The following SZT2 variants were observed in gnomAD, a reference collection of about 807,000 sequenced individuals.
The protein encoded by SZT2 is KICSTOR complex protein SZT2.
Under a neutral mutation model 404.2 loss-of-function variants are expected in SZT2, and 216 were observed. That is an observed-to-expected ratio of 0.53 (90% CI 0.48 to 0.60). The LOEUF is 0.60. Among genes scored for constraint, SZT2 ranks in the 20% least tolerant of loss-of-function variants. SZT2 has a pLI of 0.00. For synonymous variants in SZT2, 1,693 were observed against 1,749.9 expected (o/e 0.97, Z 0.81); for missense variants, 3,857 against 4,459.2 (o/e 0.86, Z 3.85).
intron 1 of SZT2, among the ~76,000 whole-genome samples, chr1:43,392,616 G>A (rs1239115881): frequency 1.3e-5 from 2 of 152,236 alleles, no homozygotes; most frequent in Non-Finnish European, 1.5e-5. Flanking sequence ...GGGTTTCACC[G>A]TGTTAGCCAG....
chr1:43,421,283 C>T lies in SZT2; in HGVS notation c.1606C>T (p.Pro536Ser), dbSNP rs767861761. 4 of 1,598,570 alleles carry T rather than the reference C, an allele frequency of 2.5e-6. No individual in the cohort carries two copies. In the South Asian group the frequency reaches 4.4e-5, roughly 18 times the overall value. The change falls in exon 11 of 72, where the codon CCT (proline) becomes TCT (serine). Residue 536 changes from proline (P) to serine (S), a missense_variant. Transcript: ENST00000634258. ...GAGCGGAGTGCCACTCTTCTACATC[C>T]CTCCAGGCTCCACCACCCCGGTGAG... is the stretch of plus-strand genomic sequence containing the variant. ...TKSGVPLFYI[P>S]PGSTTPVLSL...
intron 12 of SZT2, 72 bp downstream of exon 12, chr1:43,422,297 G>A: frequency 6.6e-7 from 1 of 1,514,286 alleles, no homozygotes. Flanking sequence ...ATGATGGGAA[G>A]GGGAGCAGCA....
chr1:43,444,021 C>T (rs1422966621), intron 62 of SZT2, among the ~76,000 whole-genome samples: 1 of 152,236 alleles, frequency 6.6e-6, no homozygotes, highest in Admixed American at 6.5e-5. Context: ...TGATGACACT[C>T]ATACAAAACT....
Position 43,437,478 on chromosome 1 carries a change from A to C in SZT2, c.6260A>C (p.Glu2087Ala), listed in dbSNP as rs779742118. Residue 2087 changes from glutamate to alanine, a missense_variant, in exon 44 of 72, where the codon GAG becomes GCG. By Grantham distance (107) the Glu-to-Ala change is moderately radical (BLOSUM62 -1). Coordinates refer to ENST00000634258, the MANE Select transcript of SZT2 (RefSeq NM_001365999.1). The surrounding 1 kb of genome is among the most constrained non-coding windows in gnomAD (Gnocchi z 5.3). ...CGGAAAAACATGTTTGTTTACCAGGAGCGAGCAACAAAGGCTGTGTACTAT... is the reference window on the plus strand; with the variant it reads ...CGGAAAAACATGTTTGTTTACCAGGCGCGAGCAACAAAGGCTGTGTACTAT... ...VNRKNMFVYQ[E>A]RATKAVYYLR... The C allele has an allele frequency of 1.2e-6, 2 of 1,614,118 alleles. No homozygotes were observed. The highest frequency in any genetic ancestry group is 2.2e-5 in the South Asian group (2 of 91,068).
At position 43,389,928 on chromosome 1, in the gene SZT2, A is replaced by G. The variant is rs1338531895; in HGVS notation, c.-41A>G. On this transcript the variant is annotated 5_prime_UTR_variant, in exon 1 of 72. Transcript: ENST00000634258. ...TAGCGAGGTCAGGGGTCAAGAGTGGAACACCCTCACTGGCCCGGGCCGGCG... is the reference window on the plus strand; with the variant it reads ...TAGCGAGGTCAGGGGTCAAGAGTGGGACACCCTCACTGGCCCGGGCCGGCG... The G allele has an allele frequency of 6.6e-7, 1 of 1,509,516 alleles. No homozygotes were observed. Among genetic ancestry groups the G allele is most frequent in the Non-Finnish European group, 8.9e-7 (1 of 1,129,072 alleles). The allele number at this position is 1,509,516 out of a possible 1,614,324, so 93.5% of individuals were successfully genotyped here.
At chr1:43,405,108 A>G (rs1199576262) in intron 4 of SZT2, 1 of 152,602 alleles carries the variant, frequency 6.6e-6, no homozygotes, top group Non-Finnish European at 1.5e-5. Context: ...GGTTCAAGCG[A>G]TTCTCCTGCC....
chr1:43,428,132 C>A lies in SZT2; in HGVS notation c.3919+14C>A, dbSNP rs1448491652. 1.2e-6 allele frequency: 2 copies of A among 1,612,520 alleles called. No homozygotes were observed. Among genetic ancestry groups the A allele is most frequent in the Non-Finnish European group, 1.7e-6 (2 of 1,178,706 alleles). On this transcript the variant is annotated intron_variant, in intron 27 of 71. Coordinates refer to ENST00000634258, the MANE Select transcript of SZT2 (RefSeq NM_001365999.1). ...GCTATGTCCGTGGTGAGCAGGAGGGCCGTGGGAGGGAGGAGTGGGGCCCTG... is the reference window on the plus strand; with the variant it reads ...GCTATGTCCGTGGTGAGCAGGAGGGACGTGGGAGGGAGGAGTGGGGCCCTG...
Position 43,425,142 on chromosome 1 carries a change from A to C in SZT2, c.2580A>C (p.Glu860Asp), listed in dbSNP as rs763988253. The C allele has an allele frequency of 1.2e-6, 2 of 1,614,182 alleles. No individual in the cohort carries two copies. Among genetic ancestry groups the C allele is most frequent in the Non-Finnish European group, 1.7e-6 (2 of 1,180,018 alleles). ...QNEPPGQAAA[E>D]EKHTCVVQYI... ...AACCACCAGGGCAGGCTGCAGCTGA[A>C]GAGAAGCACACCTGTGTTGTCCAGT... The change falls in exon 18 of 72, where the codon GAA (glutamate) becomes GAC (aspartate). Residue 860 changes from glutamate (E) to aspartate (D), a missense_variant. Physicochemically the swap from Glu to Asp is conservative, Grantham distance 45. This residue lies in a region of SZT2 where 1,725 missense variants were observed against 1,881.0 expected (regional missense o/e 0.92). Coordinates refer to ENST00000634258, the MANE Select transcript of SZT2 (RefSeq NM_001365999.1). The surrounding 1 kb of genome is among the most constrained non-coding windows in gnomAD (Gnocchi z 4.3).
chr1:43,452,894 G>GGATGTCCAGC lies in SZT2; in HGVS notation c.*2414_*2415insGATGTCCAGC, dbSNP rs1384761912. On this transcript the variant is annotated 3_prime_UTR_variant, in exon 72 of 72. Transcript: ENST00000634258. Reference sequence around the variant, plus strand: ...ATTCCAGGCCTCCCCATCCCAACAGGCTACATACATGTCCAGCCTCAGGAA... The same window carrying GGATGTCCAGC: ...ATTCCAGGCCTCCCCATCCCAACAGGGATGTCCAGCCTACATACATGTCCAGCCTCAGGAA... The GGATGTCCAGC allele has an allele frequency of 1.3e-6, 2 of 1,593,678 alleles. No homozygotes were observed. The highest frequency in any genetic ancestry group is 3.5e-5 in the Admixed American group (2 of 57,134).
chr1:43,438,497 G>A (rs377500916), intron 46 of SZT2, among the ~76,000 whole-genome samples: 13 of 152,324 alleles, frequency 8.5e-5, no homozygotes, highest in African/African-American at 3.1e-4. Flanking sequence ...CAGAGGTTTT[G>A]AGAGTAAAAC....
chr1:43,420,984 G>A lies in SZT2; in HGVS notation c.1496+1G>A, dbSNP rs2153932286. The stretch of plus-strand genomic sequence containing the variant: ...GGCGTTTCTGGAACACGCTGCAGAG[G>A]TCAGTGAAGTCATCACTCAATGAGT... On this transcript the variant is annotated splice_donor_variant, in intron 10 of 71. Transcript: ENST00000634258. LOFTEE classifies it high-confidence loss of function. This position sits in a 1 kb window ranked among gnomAD's most constrained non-coding sequence, Gnocchi z 5.1. The A allele has an allele frequency of 6.3e-7, 1 of 1,598,286 alleles. No homozygotes were observed. The highest frequency in any genetic ancestry group is 8.5e-7 in the Non-Finnish European group (1 of 1,179,674).
At chr1:43,414,811 C>A (rs1043185211) in intron 4 of SZT2, among the ~76,000 whole-genome samples, 7 of 152,216 alleles carry the variant, frequency 4.6e-5, no homozygotes, top group Non-Finnish European at 1.0e-4. Context: ...ATAGTGCCCC[C>A]ATGTGGGGGG....
In SZT2 at chr1:43,451,040, C is replaced by G. The variant is rs1656337447; in HGVS notation, c.*560C>G. 1.3e-6 allele frequency: 1 copy of G among 779,204 alleles called. No individual in the cohort carries two copies. The highest frequency in any genetic ancestry group is 1.7e-5 in the Admixed American group (1 of 58,806). The allele number at this position is 779,204 out of a possible 1,614,324, so 48.3% of individuals were successfully genotyped here. A position where few individuals can be genotyped will look rare whatever the true frequency, so the allele number is the denominator to read the frequency against. On this transcript the variant is annotated 3_prime_UTR_variant, in exon 72 of 72. Coordinates refer to ENST00000634258, the MANE Select transcript of SZT2 (RefSeq NM_001365999.1). The stretch of plus-strand genomic sequence containing the variant: ...TCCTTTAATGAGGTGGGTTCAGAAG[C>G]TCTCCCATCTTCACAGCAACCCTGG...
chr1:43,427,024 A>G (rs768574000), intron 23 of SZT2, 32 bp from the exon 24 acceptor site: 1 of 1,613,180 alleles, frequency 6.2e-7, no homozygotes, highest in East Asian at 2.2e-5. Context: ...ATTCCCTTAT[A>G]GATTGCTCTA....
intron 12 of SZT2, 78 bp downstream of exon 12, chr1:43,422,303 C>G: frequency 2.0e-6 from 3 of 1,508,532 alleles, no homozygotes; most frequent in South Asian, 1.3e-5. Flanking sequence ...GGAAGGGGAG[C>G]AGCAGATGAG....
At chr1:43,391,828 TCCCA>T (rs1648371296) in intron 1 of SZT2, among the ~76,000 whole-genome samples, 2 of 113,418 alleles carry the variant, frequency 1.8e-5, no homozygotes, top group Admixed American at 9.1e-5. Context: ...ACGCCTGTAA[TCCCA>T]GCACTTTGGG....
Position 43,389,955 on chromosome 1 carries a change from G to A in SZT2, c.-14G>A, listed in dbSNP as rs146927083. ...CACCCTCACTGGCCCGGGCCGGCGC[G>A]GGAGGGCTGTGTGATGGCCTCGGAG... is the stretch of plus-strand genomic sequence containing the variant. On this transcript the variant is annotated 5_prime_UTR_variant, in exon 1 of 72. Coordinates refer to ENST00000634258, the MANE Select transcript of SZT2 (RefSeq NM_001365999.1). 1 of 1,450,376 alleles carries A rather than the reference G, an allele frequency of 6.9e-7. No individual in the cohort carries two copies. The highest frequency in any genetic ancestry group is 9.1e-7 in the Non-Finnish European group (1 of 1,101,816). The allele number at this position is 1,450,376 out of a possible 1,614,324, so 89.8% of individuals were successfully genotyped here. A position where few individuals can be genotyped will look rare whatever the true frequency, so the allele number is the denominator to read the frequency against.
At chr1:43,397,925 A>T (rs1449523548) in intron 1 of SZT2, among the ~76,000 whole-genome samples, 1 of 152,216 alleles carries the variant, frequency 6.6e-6, no homozygotes, top group Non-Finnish European at 1.5e-5. Flanking sequence ...CTTAGTGCAG[A>T]CAGTCATGGA....
chr1:43,424,606 CCTCT>C lies in SZT2; in HGVS notation c.2472-174_2472-171del, dbSNP rs371697766. On this transcript the variant is annotated intron_variant, in intron 16 of 71. Coordinates refer to ENST00000634258, the MANE Select transcript of SZT2 (RefSeq NM_001365999.1). This position sits in a 1 kb window ranked among gnomAD's most constrained non-coding sequence, Gnocchi z 4.1. ...CCTCCCATCACCCGATTTGTTTTGTCCTCTCTCATCCTCACTGGATTTGTTATAC... is the reference window on the plus strand; with the variant it reads ...CCTCCCATCACCCGATTTGTTTTGTCCTCATCCTCACTGGATTTGTTATAC... Among the ~76,000 whole-genome samples, 1 of 152,180 alleles carries C rather than the reference CCTCT, an allele frequency of 6.6e-6. No individual in the cohort carries two copies. The highest frequency in any genetic ancestry group is 2.4e-5 in the African/African-American group (1 of 41,446).
Sources: gnomAD v4.1 joint callset for allele counts (sites outside exome capture counted in the v4.1 genomes callset) on GRCh38, gnomAD v4.1.1 for gene constraint, gnomAD v4.1.1 regional missense constraint, Gnocchi (gnomAD v3.1) non-coding constraint, MANE v1.5 for transcripts, NCBI Gene and HGNC (gene_info 2026-07-23, HGNC 2026-07-21) for gene names.